Variants in CAMK1D observed in about 807,000 individuals in gnomAD.
The protein encoded by CAMK1D is calcium/calmodulin dependent protein kinase ID, also known as calcium/calmodulin-dependent protein kinase type 1D.
Under a neutral mutation model 47.7 loss-of-function variants are expected in CAMK1D, and 9 were observed. The ratio of observed to expected loss-of-function variants is 0.19; its 90% CI spans 0.11 to 0.33. CAMK1D has a LOEUF of 0.33. Ranked by LOEUF, CAMK1D falls within the 10% of genes least tolerant of loss-of-function variation. The pLI, the probability that CAMK1D is intolerant of heterozygous loss-of-function variation, is 1.00. For missense variants in CAMK1D, 291 were observed against 488.7 expected, an observed-to-expected ratio of 0.60 and a Z score of 3.81; for synonymous variants, 184 against 184.9, an observed-to-expected ratio of 0.99 and a Z score of 0.04.
chr10:12,593,433 T>C (rs1838054285), intron 2 of CAMK1D, among the ~76,000 whole-genome samples: 1 of 151,836 alleles, frequency 6.6e-6, no homozygotes, highest in Admixed American at 6.6e-5. Flanking sequence ...TTACCGAAAA[T>C]ACAAAAATTA....
chr10:12,381,022 A>AGT (rs1279990000), intron 1 of CAMK1D, among the ~76,000 whole-genome samples: 2 of 152,252 alleles, frequency 1.3e-5, no homozygotes, highest in Non-Finnish European at 2.9e-5. Flanking sequence ...GCCTGTGTGA[A>AGT]GTAGCTTGTA....
At chr10:12,431,795 T>G (rs553248308) in intron 1 of CAMK1D, among the ~76,000 whole-genome samples, 364 of 152,342 alleles carry the variant, frequency 2.4e-3, no homozygotes, top group Non-Finnish European at 4.3e-3. Context: ...ATTATCCAGC[T>G]TTTCTATATT....
intron 4 of CAMK1D, among the ~76,000 whole-genome samples, chr10:12,768,484 GT>G (rs1188795655): frequency 3.3e-5 from 5 of 152,218 alleles, no homozygotes; most frequent in Admixed American, 2.6e-4. Context: ...GGGAAATGCT[GT>G]GGGAAAGTGC....
chr10:12,526,422 T>A (rs541992293), intron 1 of CAMK1D, among the ~76,000 whole-genome samples: 73 of 152,330 alleles, frequency 4.8e-4, no homozygotes, highest in Non-Finnish European at 9.0e-4. Flanking sequence ...CACAGATTTA[T>A]AGGATCTCTT....
At chr10:12,446,131 G>A (rs1407076401) in intron 1 of CAMK1D, among the ~76,000 whole-genome samples, 3 of 152,204 alleles carry the variant, frequency 2.0e-5, no homozygotes, top group Admixed American at 2.0e-4. Context: ...CAGGCCCCAA[G>A]AGATGGTTCT....
chr10:12,703,063 C>T (rs1010598616), intron 3 of CAMK1D, among the ~76,000 whole-genome samples: 3 of 152,166 alleles, frequency 2.0e-5, no homozygotes, highest in African/African-American at 7.2e-5. Context: ...CAAAGAAGTT[C>T]ATCTGATTGT....
intron 1 of CAMK1D, among the ~76,000 whole-genome samples, chr10:12,499,784 A>T (rs1475321122): frequency 1.3e-5 from 2 of 152,176 alleles, no homozygotes; most frequent in Non-Finnish European, 2.9e-5. Flanking sequence ...GCCCCGTTAC[A>T]TAACAGGGTG....
In CAMK1D at chr10:12,529,718, C is replaced by T. The variant is rs1465265469; in HGVS notation, c.93-23507C>T. 1.3e-5 allele frequency among the ~76,000 whole-genome samples: 2 copies of T among 152,120 alleles called. 1 individual carries two copies. Among genetic ancestry groups the T allele is most frequent in the South Asian group, 4.1e-4 (2 of 4,826 alleles). On this transcript the variant is annotated intron_variant, in intron 1 of 10. Coordinates refer to ENST00000619168, the MANE Select transcript of CAMK1D (RefSeq NM_153498.4). ...ACAAATTTTGCTCGTGGTGGCTGAG[C>T]AAGAAAGTCTCTTTTAAGCAAACGT...
chr10:12,827,545 T>G (rs111208022), intron 10 of CAMK1D, among the ~76,000 whole-genome samples: 564 of 5,836 alleles, frequency 0.097, 59 homozygotes, highest in East Asian at 0.15. Flanking sequence ...TTTCTTTTCT[T>G]GTCTTTCTTC....
chr10:12,798,969 A>C (rs1838309217), intron 6 of CAMK1D, among the ~76,000 whole-genome samples: 1 of 152,184 alleles, frequency 6.6e-6, no homozygotes, highest in Non-Finnish European at 1.5e-5. Context: ...GAACATGCAC[A>C]GGGGGAAAAT....
At chr10:12,815,163 A>C (rs1210938304) in intron 7 of CAMK1D, among the ~76,000 whole-genome samples, 2 of 152,212 alleles carry the variant, frequency 1.3e-5, no homozygotes, top group Non-Finnish European at 2.9e-5. Context: ...GGCATTTGAA[A>C]TGCCACTCTG....
At chr10:12,728,780 G>A (rs1834765654) in intron 3 of CAMK1D, among the ~76,000 whole-genome samples, 2 of 152,196 alleles carry the variant, frequency 1.3e-5, no homozygotes. Context: ...TCTGCCTGGA[G>A]ACTGCTGCTG....
At chr10:12,766,861 A>C (rs1836787992) in intron 4 of CAMK1D, among the ~76,000 whole-genome samples, 1 of 152,138 alleles carries the variant, frequency 6.6e-6, no homozygotes, top group Admixed American at 6.5e-5. Flanking sequence ...GGTGGGATAG[A>C]CAAGGCCAAG....
At chr10:12,583,671 A>G (rs868412317) in intron 2 of CAMK1D, among the ~76,000 whole-genome samples, 1 of 150,120 alleles carries the variant, frequency 6.7e-6, no homozygotes, top group African/African-American at 2.5e-5. Flanking sequence ...GCGCGATCTC[A>G]GCTCACTGCA....
Position 12,545,295 on chromosome 10 carries a change from A to T in CAMK1D, c.93-7930A>T, listed in dbSNP as rs117626577. On this transcript the variant is annotated intron_variant, in intron 1 of 10. Coordinates refer to ENST00000619168, the MANE Select transcript of CAMK1D (RefSeq NM_153498.4). ...TCTCTACTAAAAAAACAAAAAAACA[A>T]AAAAACTAGCTGGACATGGTGGTGT... Among the ~76,000 whole-genome samples, 116 of 9,612 alleles carry T rather than the reference A, an allele frequency of 0.012. No individual in the cohort carries two copies. In the East Asian group the frequency reaches 0.22, roughly 18 times the overall value. The allele number at this position is 9,612 out of a possible 152,430, so 6.3% of individuals were successfully genotyped here. A position where few individuals can be genotyped will look rare whatever the true frequency, so the allele number is the denominator to read the frequency against.
intron 1 of CAMK1D, among the ~76,000 whole-genome samples, chr10:12,440,376 C>G (rs7089116): frequency 0.024 from 3,644 of 151,880 alleles, 152 homozygotes; most frequent in African/African-American, 0.082. Flanking sequence ...CCTCCGCCTT[C>G]CGGAGGCAGG....
chr10:12,805,757 C>T (rs560724573), intron 6 of CAMK1D, among the ~76,000 whole-genome samples: 186 of 152,276 alleles, frequency 1.2e-3, no homozygotes, highest in African/African-American at 4.3e-3. Context: ...GGAGAGGGAC[C>T]GAGTCAGGTT....
rs370901870 is a variant in CAMK1D at position 12,484,768 on chromosome 10, G to A, written c.93-68457G>A. ...ATGTTCTCCAGGTTTCTAACATGTG[G>A]CATGTGACTCCAGTGGAGAGGCCAC... is the stretch of plus-strand genomic sequence containing the variant. On this transcript the variant is annotated intron_variant, in intron 1 of 10. Coordinates refer to ENST00000619168, the MANE Select transcript of CAMK1D (RefSeq NM_153498.4). 1.3e-4 allele frequency among the ~76,000 whole-genome samples: 19 copies of A among 149,288 alleles called. No homozygotes were observed. The East Asian group carries it at 3.0e-3, about 24-fold the overall frequency.
intron 5 of CAMK1D, among the ~76,000 whole-genome samples, chr10:12,789,809 T>TTG (rs201358844): frequency 0.47 from 71,151 of 152,182 alleles, 18,447 homozygotes; most frequent in South Asian, 0.61. Flanking sequence ...CAACAAGTAC[T>TTG]TTGTCAGCTC....
Sources: allele counts gnomAD v4.1 joint callset (sites outside exome capture counted in the v4.1 genomes callset), GRCh38; gene constraint gnomAD v4.1.1; transcripts MANE v1.5; gene names NCBI Gene and HGNC (gene_info 2026-07-23, HGNC 2026-07-21).